Variants in RP1 observed in about 807,000 individuals in gnomAD.
The protein encoded by RP1 is RP1 axonemal microtubule associated, also known as oxygen-regulated protein 1.
In RP1, 16 loss-of-function variants were observed where a neutral mutation model predicts 14.8. That is an observed-to-expected ratio of 1.08 (90% confidence interval 0.73 to 1.65). RP1 has a LOEUF of 1.65. Among genes scored for constraint, RP1 ranks in the 40% most tolerant of loss-of-function variants. The pLI is 0.00. For synonymous variants in RP1, 876 were observed against 883.6 expected (o/e 0.99, Z 0.15); for missense variants, 2,631 against 2,535.0 (o/e 1.04, Z -0.81).
At chr8:54,670,077 A>G (rs1807117797) in intron 7 of RP1, among the ~76,000 whole-genome samples, 1 of 152,116 alleles carries the variant, frequency 6.6e-6, no homozygotes, top group African/African-American at 2.4e-5. Context: ...GAATTTTTAA[A>G]TTTCCACATA....
chr8:54,640,993 C>T (rs1280912302), intron 3 of RP1, among the ~76,000 whole-genome samples: 8 of 147,972 alleles, frequency 5.4e-5, no homozygotes, highest in East Asian at 2.0e-4. Context: ...AGAGTCTTGC[C>T]GTGTTGCCCA....
At chr8:54,634,866 G>A (rs1243185807), downstream of RP1, among the ~76,000 whole-genome samples, 10 of 152,140 alleles carry the variant, frequency 6.6e-5, no homozygotes, top group Admixed American at 5.9e-4. Context: ...CGGATCACGA[G>A]GTCAAGAGAT....
At chr8:54,747,411 C>A (rs1563364772) in intron 19 of RP1, among the ~76,000 whole-genome samples, 1 of 152,176 alleles carries the variant, frequency 6.6e-6, no homozygotes, top group Admixed American at 6.5e-5. Flanking sequence ...TATAACACAT[C>A]CCTTATCTGA....
At chr8:54,742,575 T>C (rs1310191333) in intron 19 of RP1, among the ~76,000 whole-genome samples, 1 of 152,180 alleles carries the variant, frequency 6.6e-6, no homozygotes, top group African/African-American at 2.4e-5. Flanking sequence ...CTAGATGATA[T>C]GGAGGATTTG....
intron 1 of RP1, among the ~76,000 whole-genome samples, chr8:54,593,279 T>C (rs573775265): frequency 4.1e-4 from 63 of 152,342 alleles, no homozygotes; most frequent in African/African-American, 1.5e-3. Flanking sequence ...TATCTCTTGC[T>C]TTCATTATAG....
At chr8:54,597,548 G>A (rs1029063684) in intron 1 of RP1, among the ~76,000 whole-genome samples, 2 of 152,126 alleles carry the variant, frequency 1.3e-5, no homozygotes, top group African/African-American at 2.4e-5. Context: ...TTTCTCATTA[G>A]CAATTATTTC....
chr8:54,801,418 T>C (rs1810702709), intron 24 of RP1, among the ~76,000 whole-genome samples: 1 of 152,180 alleles, frequency 6.6e-6, no homozygotes, highest in African/African-American at 2.4e-5. Context: ...TTTTTGCCAC[T>C]CCCCTCAGAA....
At chr8:54,614,447 ACT>A (rs1400822582), upstream of RP1, among the ~76,000 whole-genome samples, 4 of 151,854 alleles carry the variant, frequency 2.6e-5, no homozygotes, top group East Asian at 7.8e-4. Context: ...AGAAATGTAG[ACT>A]CTCAGACCCC....
intron 19 of RP1, among the ~76,000 whole-genome samples, chr8:54,742,830 TGTGA>T (rs931352921): frequency 6.6e-6 from 1 of 152,158 alleles, no homozygotes; most frequent in Non-Finnish European, 1.5e-5. Flanking sequence ...CTCTGGGGCC[TGTGA>T]GTGAGAAAAG....
Position 54,627,163 on chromosome 8 carries a change from C to T in RP1, c.3281C>T (p.Ser1094Leu). ...PVLMLHQLQASVPGIHKTQNG... is the reference protein window; with the variant it reads ...PVLMLHQLQALVPGIHKTQNG... ...CTGATGCTTCACCAATTGCAAGCTT[C>T]AGTTCCTGGTATTCACAAGACTCAG... The change falls in exon 4 of 4, where the codon TCA (serine) becomes TTA (leucine). Residue 1094 changes from serine (S) to leucine (L), a missense_variant. Ser to Leu is a moderately radical substitution (Grantham distance 145). Transcript: ENST00000220676. The T allele has an allele frequency of 6.2e-7, 1 of 1,614,052 alleles. No individual in the cohort carries two copies. Among genetic ancestry groups the T allele is most frequent in the Non-Finnish European group, 8.5e-7 (1 of 1,179,986 alleles).
At chr8:54,710,573 C>T (rs755024624) in intron 15 of RP1, among the ~76,000 whole-genome samples, 4 of 152,186 alleles carry the variant, frequency 2.6e-5, no homozygotes, top group Non-Finnish European at 4.4e-5. Flanking sequence ...AATTTTTGTC[C>T]ACCACCCAAG....
In RP1 at chr8:54,625,228, C is replaced by T. The variant is rs760968123; in HGVS notation, c.1346C>T (p.Pro449Leu). The change falls in exon 4 of 4, where the codon CCC becomes CTC. Residue 449 changes from proline to leucine, a missense_variant. Coordinates refer to ENST00000220676, the MANE Select transcript of RP1 (RefSeq NM_006269.2). ...QDQAKHRFYR[P>L]PTPGLRRVRQ... ...CAAGCAAAGCATCGTTTTTATAGGC[C>T]CCCTACACCTGGACTAAGAAGAGTG... is the stretch of plus-strand genomic sequence containing the variant. The T allele has an allele frequency of 5.6e-6, 9 of 1,613,884 alleles. No homozygotes were observed. Among genetic ancestry groups the T allele is most frequent in the South Asian group, 2.2e-5 (2 of 91,072 alleles).
At chr8:54,578,792 T>C (rs764681504) in intron 1 of RP1, among the ~76,000 whole-genome samples, 3 of 152,198 alleles carry the variant, frequency 2.0e-5, no homozygotes, top group Non-Finnish European at 4.4e-5. Context: ...AGGTACTTCA[T>C]TTAATCTTCA....
intron 8 of RP1, among the ~76,000 whole-genome samples, chr8:54,674,579 G>A (rs1224978330): frequency 6.9e-6 from 1 of 145,284 alleles, no homozygotes; most frequent in Non-Finnish European, 1.5e-5. Context: ...TTATTAAAAA[G>A]TGTCAAAGTA....
chr8:54,858,897 A>C (rs1812270417), intron 27 of RP1, among the ~76,000 whole-genome samples: 1 of 151,302 alleles, frequency 6.6e-6, no homozygotes, highest in African/African-American at 2.4e-5. Flanking sequence ...ACTGTAGAGG[A>C]GTGTCACCAT....
intron 1 of RP1, among the ~76,000 whole-genome samples, chr8:54,576,443 C>G (rs1025659813): frequency 6.6e-6 from 1 of 152,224 alleles, no homozygotes; most frequent in Non-Finnish European, 1.5e-5. Context: ...GTACGTGTTT[C>G]TACTCTTGCA....
chr8:54,776,013 T>C (rs1810028205), intron 23 of RP1, among the ~76,000 whole-genome samples: 1 of 152,116 alleles, frequency 6.6e-6, no homozygotes, highest in African/African-American at 2.4e-5. Context: ...GATTGAAAAG[T>C]TCCAGAAAAA....
chr8:54,739,265 C>T (rs1018328149), intron 19 of RP1, among the ~76,000 whole-genome samples: 8 of 152,042 alleles, frequency 5.3e-5, no homozygotes, highest in East Asian at 1.9e-4. Context: ...TAAGATTTTT[C>T]GACTTATGAT....
chr8:54,841,680 G>C (rs903131312), intron 25 of RP1, among the ~76,000 whole-genome samples: 5 of 152,152 alleles, frequency 3.3e-5, no homozygotes, highest in Admixed American at 6.5e-5. Flanking sequence ...GTGTTGGTTG[G>C]GAGCAGCCCG....
Sources: gnomAD v4.1 joint callset for allele counts (sites outside exome capture counted in the v4.1 genomes callset) on GRCh38, gnomAD v4.1.1 for gene constraint, MANE v1.5 for transcripts, NCBI Gene and HGNC (gene_info 2026-07-23, HGNC 2026-07-21) for gene names.